FAM163A: variants seen among roughly 807,000 people sequenced by gnomAD.
FAM163A encodes the protein family with sequence similarity 163 member A, also known as protein FAM163A.
In FAM163A, 7 loss-of-function variants were observed where a neutral mutation model predicts 12.0. The ratio of observed to expected loss-of-function variants is 0.58; its 90% CI spans 0.33 to 1.10. The LOEUF (loss-of-function observed/expected upper bound fraction) is 1.10, where lower values mean the gene tolerates loss of function less well. Ranked by LOEUF, FAM163A falls within the 50% of genes least tolerant of loss-of-function variation. The pLI is 0.03. For synonymous variants in FAM163A, 101 were observed against 91.0 expected, an observed-to-expected ratio of 1.11 and a Z score of -0.62; for missense variants, 202 against 218.6, an observed-to-expected ratio of 0.92 and a Z score of 0.48.
intron 1 of FAM163A, among the ~76,000 whole-genome samples, chr1:179,759,551 C>T (rs1235567505): frequency 6.6e-6 from 1 of 152,076 alleles, no homozygotes; most frequent in Admixed American, 6.5e-5. Context: ...AGAGACCATC[C>T]CAAGACCAGG....
chr1:179,790,272 A>G (rs937612692), intron 1 of FAM163A, among the ~76,000 whole-genome samples: 1 of 145,490 alleles, frequency 6.9e-6, no homozygotes, highest in Non-Finnish European at 1.5e-5. Flanking sequence ...TGCCACTGCA[A>G]AACTAAGAGG....
At chr1:179,791,233 G>A (rs1275306640) in intron 1 of FAM163A, among the ~76,000 whole-genome samples, 1 of 152,146 alleles carries the variant, frequency 6.6e-6, no homozygotes, top group Non-Finnish European at 1.5e-5. Context: ...CTGCCGACTG[G>A]GTCTAAGGAC....
chr1:179,809,307 C>T (rs1694385782), intron 2 of FAM163A, among the ~76,000 whole-genome samples: 1 of 152,140 alleles, frequency 6.6e-6, no homozygotes, highest in African/African-American at 2.4e-5. Context: ...TCACACCCAT[C>T]CCCCTCTTTC....
At chr1:179,767,221 G>A (rs1687627238) in intron 1 of FAM163A, among the ~76,000 whole-genome samples, 1 of 152,132 alleles carries the variant, frequency 6.6e-6, no homozygotes, top group Non-Finnish European at 1.5e-5. Context: ...CTTCCCAGAA[G>A]AGGTCACAGA....
the FAM163A span, chr1:179,730,186 G>A: frequency 6.6e-6 from 1 of 152,260 alleles, no homozygotes; most frequent in Non-Finnish European, 1.5e-5. Context: ...CAAGCACTGA[G>A]TGCCATTAGG....
At chr1:179,798,529 C>T (rs76546341) in intron 1 of FAM163A, among the ~76,000 whole-genome samples, 2,780 of 152,344 alleles carry the variant, frequency 0.018, 49 homozygotes, top group African/African-American at 0.046. Flanking sequence ...CTGGGCTTTT[C>T]ACAGTCCTCC....
At chr1:179,773,178 G>C (rs1195812443) in intron 1 of FAM163A, among the ~76,000 whole-genome samples, 3 of 151,912 alleles carry the variant, frequency 2.0e-5, no homozygotes, top group Non-Finnish European at 2.9e-5. Flanking sequence ...TTATAGAAAT[G>C]GAAAATAGAT....
chr1:179,775,672 G>A (rs1688856716), intron 1 of FAM163A, among the ~76,000 whole-genome samples: 1 of 152,116 alleles, frequency 6.6e-6, no homozygotes, highest in Non-Finnish European at 1.5e-5. Flanking sequence ...ACAGTGCCTG[G>A]CATATGATCA....
chr1:179,748,595 A>G (rs752601056), intron 1 of FAM163A, among the ~76,000 whole-genome samples: 1 of 152,204 alleles, frequency 6.6e-6, no homozygotes, highest in Non-Finnish European at 1.5e-5. Flanking sequence ...TCACATCACC[A>G]GCAGTACTCT....
At chr1:179,769,241 G>T (rs1687928552) in intron 1 of FAM163A, among the ~76,000 whole-genome samples, 1 of 152,102 alleles carries the variant, frequency 6.6e-6, no homozygotes, top group Non-Finnish European at 1.5e-5. Context: ...AAACTCCTGG[G>T]CTTAAATGAT....
chr1:179,785,103 A>AGGCTG (rs1690413906), intron 1 of FAM163A, among the ~76,000 whole-genome samples: 1 of 152,182 alleles, frequency 6.6e-6, no homozygotes, highest in Non-Finnish European at 1.5e-5. Flanking sequence ...AGGCGCAGTA[A>AGGCTG]TTCAGTGCGT....
At chr1:179,799,395 G>C (rs1293394625) in intron 1 of FAM163A, among the ~76,000 whole-genome samples, 1 of 152,232 alleles carries the variant, frequency 6.6e-6, no homozygotes, top group East Asian at 1.9e-4. Context: ...GGCTGCTTTG[G>C]TAGGCCAGGA....
At position 179,748,155 on chromosome 1, in the gene FAM163A, G is replaced by C. The variant is rs149236349; in HGVS notation, c.-136+4732G>C. On this transcript the variant is annotated intron_variant, in intron 1 of 4. Coordinates refer to ENST00000341785, the MANE Select transcript of FAM163A (RefSeq NM_173509.3). ...CTGTTGTTTGGAAAAAACAGCCTGAGACCTGAGAGCCTCTCTCATTGCAAA... is the reference window on the plus strand; with the variant it reads ...CTGTTGTTTGGAAAAAACAGCCTGACACCTGAGAGCCTCTCTCATTGCAAA... Among the ~76,000 whole-genome samples the C allele has an allele frequency of 2.5e-3, 386 of 152,292 alleles. 5 individuals carry two copies. In the Middle Eastern group the frequency reaches 0.027, roughly 11 times the overall value.
At chr1:179,776,151 T>C (rs1313005404) in intron 1 of FAM163A, among the ~76,000 whole-genome samples, 7 of 152,098 alleles carry the variant, frequency 4.6e-5, no homozygotes, top group Non-Finnish European at 1.0e-4. Flanking sequence ...TGCCAGGTGC[T>C]GAAGAGATAA....
At chr1:179,753,469 A>G (rs1005405369) in intron 1 of FAM163A, among the ~76,000 whole-genome samples, 2 of 152,224 alleles carry the variant, frequency 1.3e-5, no homozygotes, top group African/African-American at 4.8e-5. Context: ...TGAAAAGCCA[A>G]TGGAAAGGGC....
chr1:179,767,521 G>A (rs1317987391), intron 1 of FAM163A, among the ~76,000 whole-genome samples: 1 of 152,152 alleles, frequency 6.6e-6, no homozygotes, highest in Non-Finnish European at 1.5e-5. Flanking sequence ...CCAACTGGGA[G>A]CCTTCTCCTT....
At chr1:179,769,728 G>A (rs147051718) in intron 1 of FAM163A, among the ~76,000 whole-genome samples, 91 of 152,222 alleles carry the variant, frequency 6.0e-4, no homozygotes, top group Non-Finnish European at 1.1e-3. Context: ...GGAGCAGGCC[G>A]TGCTCTGGGA....
intron 1 of FAM163A, 57 bp from the exon 2 acceptor site, chr1:179,807,741 T>C (rs927217851): frequency 4.6e-5 from 7 of 152,398 alleles, no homozygotes; most frequent in African/African-American, 1.7e-4. Flanking sequence ...CAGGAGCCTG[T>C]CTGTCCTCAG....
At chr1:179,791,882 G>A (rs568097997) in intron 1 of FAM163A, among the ~76,000 whole-genome samples, 96 of 152,278 alleles carry the variant, frequency 6.3e-4, no homozygotes, top group African/African-American at 2.0e-3. Context: ...GCCTCCTGAA[G>A]TACTAGCTCA....
Sources: allele counts gnomAD v4.1 joint callset (sites outside exome capture counted in the v4.1 genomes callset), GRCh38; gene constraint gnomAD v4.1.1; transcripts MANE v1.5; gene names NCBI Gene and HGNC (gene_info 2026-07-23, HGNC 2026-07-21).